The following WBP2 variants were observed in gnomAD, a reference collection of about 807,000 sequenced individuals.
WBP2 encodes the protein WW domain-binding protein 2.
WBP2 carries 23 observed loss-of-function variants against 33.0 expected under a neutral mutation model. That is an observed-to-expected ratio of 0.70 (90% CI 0.50 to 0.99). The LOEUF is 0.99. WBP2 is among the 50% of genes least tolerant of loss of function. The pLI is 0.00. For missense variants in WBP2, 353 were observed against 358.0 expected (o/e 0.99, Z 0.11); for synonymous variants, 153 against 133.5 (o/e 1.15, Z -1.01).
intron 3 of WBP2, chr17:75,849,207 C>A: frequency 4.7e-6 from 1 of 211,378 alleles, no homozygotes; most frequent in Non-Finnish European, 9.6e-6. Context: ...CTGGGGCCTG[C>A]CAAAAAGCCA....
At chr17:75,855,348 C>G, upstream of WBP2, 1 of 1,600,084 alleles carries the variant, frequency 6.2e-7, no homozygotes, top group African/African-American at 1.3e-5. Flanking sequence ...GCTTGCGCCC[C>G]TCTTCGCCCC....
chr17:75,850,487 C>T (rs1599423529), intron 2 of WBP2, among the ~76,000 whole-genome samples: 1 of 152,222 alleles, frequency 6.6e-6, no homozygotes, highest in East Asian at 1.9e-4. Flanking sequence ...CCTCATGATC[C>T]GCCCGCCTCG....
upstream of WBP2, among the ~76,000 whole-genome samples, chr17:75,855,840 ACT>A (rs1184270574): frequency 6.6e-6 from 1 of 151,978 alleles, no homozygotes; most frequent in East Asian, 1.9e-4. Flanking sequence ...CGCATGCGTG[ACT>A]CTGGGGCGTT....
upstream of WBP2, chr17:75,855,406 T>G (rs2143939153): frequency 7.5e-7 from 1 of 1,329,642 alleles, no homozygotes; most frequent in Non-Finnish European, 1.1e-6. Context: ...AAAGCTCGAG[T>G]GCGGAGGCTG....
intron 1 of WBP2, among the ~76,000 whole-genome samples, chr17:75,853,945 T>G (rs2143934855): frequency 6.9e-6 from 1 of 145,444 alleles, no homozygotes; most frequent in Non-Finnish European, 1.5e-5. Context: ...CTGGGGAGGC[T>G]GAGGCAGGAT....
Position 75,849,632 on chromosome 17 carries a change from G to A in WBP2, c.276C>T (p.Ile92=), listed in dbSNP as rs755848335. The A allele has an allele frequency of 7.7e-5, 125 of 1,613,992 alleles. No homozygotes were observed. In the Admixed American group the frequency reaches 1.1e-3, roughly 14 times the overall value. The change falls in exon 3 of 8, where the codon ATC becomes ATT. Residue 92 remains isoleucine, a synonymous_variant. Coordinates refer to ENST00000254806, the MANE Select transcript of WBP2 (RefSeq NM_012478.4). Reference sequence around the variant, plus strand: ...CCGCTTCCGCCTTCACTGTTCCCTTGATGTAGTTTGCACCAAATACGGGCT... The same window carrying A: ...CCGCTTCCGCCTTCACTGTTCCCTTAATGTAGTTTGCACCAAATACGGGCT... The part of the protein sequence containing the change: ...IKQPVFGANY[I]KGTVKAEAGG...
chr17:75,849,859 G>T, intron 2 of WBP2, 120 bp from the exon 3 acceptor site: 1 of 1,373,084 alleles, frequency 7.3e-7, no homozygotes. Flanking sequence ...CAGCCCCATG[G>T]CTCTCTCTGT....
At position 75,846,683 on chromosome 17, in the gene WBP2, G is replaced by A; in HGVS notation, c.*51C>T. 3 of 1,501,820 alleles carry A rather than the reference G, an allele frequency of 2.0e-6. No individual in the cohort carries two copies. The highest frequency in any genetic ancestry group is 2.7e-6 in the Non-Finnish European group (3 of 1,119,592). The allele number at this position is 1,501,820 out of a possible 1,614,324, so 93.0% of individuals were successfully genotyped here. The stretch of plus-strand genomic sequence containing the variant: ...CCCCAAGCCCCAGCACAGCCCCGAT[G>A]GGAGGGGTAGGGTAGAGAGATGAGG... On this transcript the variant is annotated 3_prime_UTR_variant, in exon 8 of 8. Transcript: ENST00000254806. This position sits in a 1 kb window ranked among gnomAD's most constrained non-coding sequence, Gnocchi z 4.8.
upstream of WBP2, chr17:75,855,472 T>A (rs1427584646): frequency 1.4e-5 from 9 of 645,730 alleles, no homozygotes; most frequent in South Asian, 1.4e-4. Flanking sequence ...TCCTTCCAGT[T>A]CCTCCTGCGC....
In WBP2 at chr17:75,845,884, G is replaced by C. The variant is rs2064986758; in HGVS notation, c.*850C>G. The C allele has an allele frequency of 6.5e-6, 1 of 152,722 alleles. No homozygotes were observed. Among genetic ancestry groups the C allele is most frequent in the African/African-American group, 2.4e-5 (1 of 41,562 alleles). 9.5% of individuals were successfully genotyped at this position (152,722 alleles called of 1,614,324 possible). A position where few individuals can be genotyped will look rare whatever the true frequency, so the allele number is the denominator to read the frequency against. On this transcript the variant is annotated 3_prime_UTR_variant, in exon 8 of 8. Coordinates refer to ENST00000254806, the MANE Select transcript of WBP2 (RefSeq NM_012478.4). Reference sequence around the variant, plus strand: ...ACAAGAGTGAATGTTAGCGCATCCAGGGGCACAAAGCTTAAGGGGAAGAAG... The same window carrying C: ...ACAAGAGTGAATGTTAGCGCATCCACGGGCACAAAGCTTAAGGGGAAGAAG...
At chr17:75,849,390 C>T (rs1447724399) in intron 3 of WBP2, 8 of 572,758 alleles carry the variant, frequency 1.4e-5, no homozygotes, top group South Asian at 2.3e-5. Context: ...GCAGACTTCA[C>T]GCTCTGAAAA....
chr17:75,855,171 A>ACCCCCCC, intron 1 of WBP2, 68 bp downstream of exon 1: 1 of 339,778 alleles, frequency 2.9e-6, no homozygotes, highest in South Asian at 2.8e-5. Flanking sequence ...CCCACCACCC[A>ACCCCCCC]CCACCCACCG....
intron 1 of WBP2, among the ~76,000 whole-genome samples, chr17:75,854,364 GATTTTCAATACCCAAGGAACAAAA>G (rs2065045533): frequency 6.6e-6 from 1 of 152,172 alleles, no homozygotes; most frequent in Admixed American, 6.6e-5. Flanking sequence ...TGGCTGGTCT[GATTTTCAATACCCAAGGAACAAAA>G]GGAGACAGAG....
At chr17:75,848,488 CAAAACGA>C in intron 4 of WBP2, 75 bp downstream of exon 4, 1 of 1,391,238 alleles carries the variant, frequency 7.2e-7, no homozygotes, top group Non-Finnish European at 1.0e-6. Context: ...CTTGAAAAAG[CAAAACGA>C]AAAGGAAGCA....
intron 2 of WBP2, among the ~76,000 whole-genome samples, chr17:75,850,492 G>A (rs1410708687): frequency 1.3e-5 from 2 of 152,062 alleles, no homozygotes; most frequent in Non-Finnish European, 2.9e-5. Flanking sequence ...TGATCCGCCC[G>A]CCTCGGCCTC....
chr17:75,847,560 C>A lies in WBP2; in HGVS notation c.582G>T (p.Gln194His), dbSNP rs774504558. Residue 194 changes from glutamine (Q) to histidine (H), a missense_variant, in exon 6 of 8, where the codon CAG (glutamine) becomes CAT (histidine). By Grantham distance (24) the Gln-to-His change is conservative. Transcript: ENST00000254806. Reference sequence around the variant, plus strand: ...GCCCAGGGTAGGGCGGTGGTGGGGGCTGCACGTATCCCATGGCCCCGTCCA... The same window carrying A: ...GCCCAGGGTAGGGCGGTGGTGGGGGATGCACGTATCCCATGGCCCCGTCCA... ...PMMDGAMGYV[Q>H]PPPPPYPGPM... 7 of 1,606,022 alleles carry A rather than the reference C, an allele frequency of 4.4e-6. No individual in the cohort carries two copies. The highest frequency in any genetic ancestry group is 6.0e-6 in the Non-Finnish European group (7 of 1,175,904).
chr17:75,855,033 C>T (rs558969070), intron 1 of WBP2: 2 of 314,620 alleles, frequency 6.4e-6, no homozygotes, highest in South Asian at 6.5e-5. Flanking sequence ...GACGTCCCAC[C>T]CCCGCCTCCC....
At chr17:75,851,340 G>C in intron 2 of WBP2, 1 of 428,032 alleles carries the variant, frequency 2.3e-6, no homozygotes, top group Non-Finnish European at 4.4e-6. Flanking sequence ...CAGCGGCTCT[G>C]GAATTGACAT....
At chr17:75,847,772 G>T (rs553594119) in intron 5 of WBP2, 24 bp downstream of exon 5, 2 of 1,543,896 alleles carry the variant, frequency 1.3e-6, no homozygotes, top group South Asian at 2.4e-5. Context: ...TGAGGGGAGT[G>T]GGGGCAGCAA....
Sources: allele counts gnomAD v4.1 joint callset (sites outside exome capture counted in the v4.1 genomes callset), GRCh38; gene constraint gnomAD v4.1.1; non-coding constraint Gnocchi (gnomAD v3.1); transcripts MANE v1.5; gene names NCBI Gene and HGNC (gene_info 2026-07-23, HGNC 2026-07-21).